Variants in ABHD2 observed in about 807,000 individuals in gnomAD.
ABHD2 encodes the protein abhydrolase domain containing 2, acylglycerol lipase.
ABHD2 carries 20 observed loss-of-function variants against 48.1 expected under a neutral mutation model. The observed-to-expected ratio is 0.42, with a 90% confidence interval of 0.29 to 0.60. The LOEUF (loss-of-function observed/expected upper bound fraction) is 0.60, where lower values mean the gene tolerates loss of function less well. Ranked by LOEUF, ABHD2 falls within the 20% of genes least tolerant of loss-of-function variation. The pLI is 0.24. For missense variants in ABHD2, 405 were observed against 550.9 expected, an observed-to-expected ratio of 0.74 and a Z score of 2.65; for synonymous variants, 209 against 214.2, an observed-to-expected ratio of 0.98 and a Z score of 0.21.
Position 89,146,509 on chromosome 15 carries a change from G to A in ABHD2, c.195-5168G>A, listed in dbSNP as rs2050494982. Among the ~76,000 whole-genome samples the A allele has an allele frequency of 6.6e-6, 1 of 151,988 alleles. No homozygotes were observed. Among genetic ancestry groups the A allele is most frequent in the African/African-American group, 2.4e-5 (1 of 41,354 alleles). ...ATTATAAATAGGCTCAGAAGATAAG[G>A]ACAGGCTGGCCTCTATATTTTGTTG... On this transcript the variant is annotated intron_variant, in intron 3 of 10. Coordinates refer to ENST00000352732, the MANE Select transcript of ABHD2 (RefSeq NM_152924.5). The surrounding 1 kb of genome is among the most constrained non-coding windows in gnomAD (Gnocchi z 4.2).
At chr15:89,077,268 G>A in the ABHD2 span, among the ~76,000 whole-genome samples, 1 of 152,146 alleles carries the variant, frequency 6.6e-6, no homozygotes, top group Non-Finnish European at 1.5e-5. Flanking sequence ...TGGATGACTG[G>A]CTTCTTTCAC....
the ABHD2 span, among the ~76,000 whole-genome samples, chr15:89,053,813 G>T: frequency 0.019 from 2,880 of 152,276 alleles, 65 homozygotes; most frequent in African/African-American, 0.048. Context: ...GGGTAAAGTG[G>T]TGCTCACATC....
intron 3 of ABHD2, among the ~76,000 whole-genome samples, chr15:89,119,037 A>G (rs768367442): frequency 5.9e-5 from 9 of 152,126 alleles, no homozygotes; most frequent in Non-Finnish European, 1.0e-4. Context: ...ATCAGCATGG[A>G]GCCCCCTGGT....
At chr15:89,095,377 C>A (rs1035300433) in intron 1 of ABHD2, among the ~76,000 whole-genome samples, 1 of 152,210 alleles carries the variant, frequency 6.6e-6, no homozygotes, top group African/African-American at 2.4e-5. Flanking sequence ...GTGGTACAGA[C>A]TACACAATGT....
the ABHD2 span, among the ~76,000 whole-genome samples, chr15:89,055,175 GT>G: frequency 6.6e-6 from 1 of 152,166 alleles, no homozygotes; most frequent in Non-Finnish European, 1.5e-5. Context: ...TTCAACCTGA[GT>G]GATGAATTGA....
In ABHD2 at chr15:89,104,693, G is replaced by A. The variant is rs1447770923; in HGVS notation, c.-106-9032G>A. The stretch of plus-strand genomic sequence containing the variant: ...TTGCCTGCCTTAGGGAGTTAGATGG[G>A]TTGAGTGGTTCTTCAGGCAACGGTT... On this transcript the variant is annotated intron_variant, in intron 1 of 10. Transcript: ENST00000352732. The surrounding 1 kb of genome is among the most constrained non-coding windows in gnomAD (Gnocchi z 4.4). Among the ~76,000 whole-genome samples, 1 of 152,230 alleles carries A rather than the reference G, an allele frequency of 6.6e-6. No homozygotes were observed. Among genetic ancestry groups the A allele is most frequent in the Admixed American group, 6.5e-5 (1 of 15,282 alleles).
chr15:89,181,234 A>ACAAAAAC (rs2051107508), intron 6 of ABHD2, among the ~76,000 whole-genome samples: 1 of 151,002 alleles, frequency 6.6e-6, no homozygotes, highest in African/African-American at 2.4e-5. Context: ...GTCTCAAAAA[A>ACAAAAAC]AAAAAAAAAA....
chr15:89,089,852 A>G (rs1380336578), intron 1 of ABHD2, among the ~76,000 whole-genome samples: 2 of 152,126 alleles, frequency 1.3e-5, no homozygotes, highest in African/African-American at 2.4e-5. Flanking sequence ...TTGAACATCT[A>G]GTCAGAAAGC....
rs1341778917 is a variant in ABHD2 at position 89,168,034 on chromosome 15, C to G, written c.539-7778C>G. Among the ~76,000 whole-genome samples, 1 of 152,182 alleles carries G rather than the reference C, an allele frequency of 6.6e-6. No homozygotes were observed. Among genetic ancestry groups the G allele is most frequent in the Non-Finnish European group, 1.5e-5 (1 of 68,036 alleles). Reference sequence around the variant, plus strand: ...ATGCATGGGCCTGGCATGGAACATACAGAGATGACTCAGAGTCTCCATCCA... The same window carrying G: ...ATGCATGGGCCTGGCATGGAACATAGAGAGATGACTCAGAGTCTCCATCCA... On this transcript the variant is annotated intron_variant, in intron 5 of 10. Transcript: ENST00000352732. The surrounding 1 kb of genome is among the most constrained non-coding windows in gnomAD (Gnocchi z 4.8).
chr15:89,200,688 C>T lies in ABHD2; in HGVS notation c.*5265C>T. The T allele has an allele frequency of 4.4e-6, 1 of 225,264 alleles. No individual in the cohort carries two copies. The highest frequency in any genetic ancestry group is 9.2e-6 in the Non-Finnish European group (1 of 108,656). The allele number at this position is 225,264 out of a possible 1,614,324, so 14.0% of individuals were successfully genotyped here. A position where few individuals can be genotyped will look rare whatever the true frequency, so the allele number is the denominator to read the frequency against. On this transcript the variant is annotated 3_prime_UTR_variant, in exon 11 of 11. Coordinates refer to ENST00000352732, the MANE Select transcript of ABHD2 (RefSeq NM_152924.5). ...AAAAAAATGGTCACCGCAGGCCATA[C>T]TACCAATGAAATGGTAGGTAAACAA...
chr15:89,179,055 A>G lies in ABHD2; in HGVS notation c.722+3060A>G, dbSNP rs1306773700. Among the ~76,000 whole-genome samples, 1 of 152,274 alleles carries G rather than the reference A, an allele frequency of 6.6e-6. No individual in the cohort carries two copies. Among genetic ancestry groups the G allele is most frequent in the African/African-American group, 2.4e-5 (1 of 41,474 alleles). ...TTAAGACAGCAGAGTGATATTTACA[A>G]AGCCACAAAGCAACAAATACATGTT... On this transcript the variant is annotated intron_variant, in intron 6 of 10. Transcript: ENST00000352732. The surrounding 1 kb of genome is among the most constrained non-coding windows in gnomAD (Gnocchi z 4.3).
At position 89,201,356 on chromosome 15, in the gene ABHD2, T is replaced by C; in HGVS notation, c.*5933T>C. ...GTGTGGTTGTGGCGTGGGCCCGTCTTGCTTAGATGCATTCAGTGGGACAGC... is the reference window on the plus strand; with the variant it reads ...GTGTGGTTGTGGCGTGGGCCCGTCTCGCTTAGATGCATTCAGTGGGACAGC... On this transcript the variant is annotated 3_prime_UTR_variant, in exon 11 of 11. Transcript: ENST00000352732. The C allele has an allele frequency of 9.6e-7, 1 of 1,039,176 alleles. No individual in the cohort carries two copies. Among genetic ancestry groups the C allele is most frequent in the Non-Finnish European group, 1.5e-6 (1 of 671,312 alleles). 64.4% of individuals were successfully genotyped at this position (1,039,176 alleles called of 1,614,324 possible). A position where few individuals can be genotyped will look rare whatever the true frequency, so the allele number is the denominator to read the frequency against.
In ABHD2 at chr15:89,102,170, C is replaced by T. The variant is rs761451062; in HGVS notation, c.-106-11555C>T. Among the ~76,000 whole-genome samples, 92 of 152,212 alleles carry T rather than the reference C, an allele frequency of 6.0e-4. No individual in the cohort carries two copies. The highest frequency in any genetic ancestry group is 3.7e-4 in the Non-Finnish European group (25 of 68,030). The stretch of plus-strand genomic sequence containing the variant: ...TGGCTCAACTGTGAGCCCAGCCTGA[C>T]GTCTGCATCCACCCCTCCTTCTCAC... On this transcript the variant is annotated intron_variant, in intron 1 of 10. Coordinates refer to ENST00000352732, the MANE Select transcript of ABHD2 (RefSeq NM_152924.5). The surrounding 1 kb of genome is among the most constrained non-coding windows in gnomAD (Gnocchi z 4.8).
At chr15:89,159,145 G>A (rs2050721218) in intron 5 of ABHD2, among the ~76,000 whole-genome samples, 3 of 151,966 alleles carry the variant, frequency 2.0e-5, no homozygotes, top group Admixed American at 2.0e-4. Flanking sequence ...GGGAGGCTGA[G>A]GTGGACAGAT....
In ABHD2 at chr15:89,102,424, T is replaced by A. The variant is rs917857842; in HGVS notation, c.-106-11301T>A. 1 of 152,248 alleles carries A rather than the reference T, an allele frequency of 6.6e-6. No individual in the cohort carries two copies. Among genetic ancestry groups the A allele is most frequent in the Non-Finnish European group, 1.5e-5 (1 of 68,056 alleles). 9.4% of individuals were successfully genotyped at this position (152,248 alleles called of 1,614,324 possible). A position where few individuals can be genotyped will look rare whatever the true frequency, so the allele number is the denominator to read the frequency against. Reference sequence around the variant, plus strand: ...GTTAGAGTGATGTCTTTCGTCCCTGTGGGGAGTGAGGTGGAATGTCAGGAG... The same window carrying A: ...GTTAGAGTGATGTCTTTCGTCCCTGAGGGGAGTGAGGTGGAATGTCAGGAG... On this transcript the variant is annotated intron_variant, in intron 1 of 10. Coordinates refer to ENST00000352732, the MANE Select transcript of ABHD2 (RefSeq NM_152924.5). The surrounding 1 kb of genome is among the most constrained non-coding windows in gnomAD (Gnocchi z 4.8).
intron 3 of ABHD2, among the ~76,000 whole-genome samples, chr15:89,130,946 G>A (rs1328516750): frequency 1.3e-5 from 2 of 152,128 alleles, no homozygotes; most frequent in Non-Finnish European, 2.9e-5. Context: ...AATAATCATG[G>A]CCACAGGCAG....
chr15:89,042,915 G>A, the ABHD2 span, among the ~76,000 whole-genome samples: 17 of 151,926 alleles, frequency 1.1e-4, no homozygotes, highest in Non-Finnish European at 2.1e-4. Context: ...TGATCCACCC[G>A]CCTCAACTTC....
the ABHD2 span, among the ~76,000 whole-genome samples, chr15:89,057,441 A>G: frequency 6.6e-6 from 1 of 152,194 alleles, no homozygotes; most frequent in African/African-American, 2.4e-5. Context: ...ACCACTGGGA[A>G]GTTGGGGACT....
chr15:89,180,487 C>T (rs1180090917), intron 6 of ABHD2, among the ~76,000 whole-genome samples: 3 of 152,212 alleles, frequency 2.0e-5, no homozygotes, highest in African/African-American at 7.2e-5. Context: ...AAACTCTTGG[C>T]CCACTCCCTT....
Sources: allele counts gnomAD v4.1 joint callset (sites outside exome capture counted in the v4.1 genomes callset), GRCh38; gene constraint gnomAD v4.1.1; non-coding constraint Gnocchi (gnomAD v3.1); transcripts MANE v1.5; gene names NCBI Gene and HGNC (gene_info 2026-07-23, HGNC 2026-07-21).